The following VPS13A variants were observed in gnomAD, a reference collection of about 807,000 sequenced individuals.
VPS13A encodes vacuolar protein sorting 13 homolog A, also known as intermembrane lipid transfer protein VPS13A.
VPS13A carries 264 observed loss-of-function variants against 390.9 expected under a neutral mutation model. That is an observed-to-expected ratio of 0.68 (90% CI 0.61 to 0.75). The LOEUF is 0.75. Ranked by LOEUF, VPS13A falls within the 30% of genes least tolerant of loss-of-function variation. VPS13A has a pLI of 0.00. For synonymous variants in VPS13A, 1,231 were observed against 1,227.1 expected, an observed-to-expected ratio of 1.00 and a Z score of -0.07; for missense variants, 3,409 against 3,733.9, an observed-to-expected ratio of 0.91 and a Z score of 2.27.
intron 52 of VPS13A, among the ~76,000 whole-genome samples, chr9:77,349,847 T>A (rs1367991280): frequency 6.6e-6 from 1 of 152,120 alleles, no homozygotes; most frequent in African/African-American, 2.4e-5. Context: ...TTTCACCATG[T>A]TGGCCAGGCT....
chr9:77,405,621 G>T (rs1417286027), intron 69 of VPS13A, among the ~76,000 whole-genome samples: 1 of 152,162 alleles, frequency 6.6e-6, no homozygotes, highest in Non-Finnish European at 1.5e-5. Flanking sequence ...TTATTTGGAA[G>T]TGTTACTTTT....
At chr9:77,210,060 G>T (rs1825880423) in intron 6 of VPS13A, among the ~76,000 whole-genome samples, 1 of 151,720 alleles carries the variant, frequency 6.6e-6, no homozygotes, top group South Asian at 2.1e-4. Context: ...GAAAAATATA[G>T]GAATGAAAGT....
intron 31 of VPS13A, 64 bp from the exon 32 acceptor site, chr9:77,293,276 AT>A (rs1216881234): frequency 7.0e-7 from 1 of 1,424,644 alleles, no homozygotes; most frequent in African/African-American, 1.4e-5. Flanking sequence ...TTACTGTTTT[AT>A]TTTTGTACTG....
rs117478720 is a variant in VPS13A, at chr9:77,201,573, T to C, written c.187+166T>C. 8.4e-3 allele frequency among the ~76,000 whole-genome samples: 1,284 copies of C among 152,298 alleles called. 10 individuals are homozygous for C. The highest frequency in any genetic ancestry group is 0.014 in the South Asian group (68 of 4,826). ...TTTGTTGTGCAACTTAAAAATATTG[T>C]CCGATACATATATCCCTTGCCTAGT... On this transcript the variant is annotated intron_variant, in intron 3 of 71. Coordinates refer to ENST00000360280, the MANE Select transcript of VPS13A (RefSeq NM_033305.3).
chr9:77,319,547 TTAA>T lies in VPS13A; in HGVS notation c.5314-23_5314-21del, dbSNP rs778870959. 4 of 1,458,358 alleles carry T rather than the reference TTAA, an allele frequency of 2.7e-6. No homozygotes were observed. The African/African-American group carries it at 4.2e-5, about 15-fold the overall frequency. 90.3% of individuals were successfully genotyped at this position (1,458,358 alleles called of 1,614,324 possible). A position where few individuals can be genotyped will look rare whatever the true frequency, so the allele number is the denominator to read the frequency against. On this transcript the variant is annotated intron_variant, in intron 41 of 71. Coordinates refer to ENST00000360280, the MANE Select transcript of VPS13A (RefSeq NM_033305.3). ...TGGGAAACAGGATGGAAGATCATTT[TTAA>T]TTTAAAAAATTCTCTCTGTAGGTGC...
chr9:77,407,220 A>T (rs1834661046), intron 70 of VPS13A, among the ~76,000 whole-genome samples: 2 of 152,202 alleles, frequency 1.3e-5, no homozygotes, highest in South Asian at 4.1e-4. Flanking sequence ...TTGGAGACGA[A>T]AAACAGTGGC....
At chr9:77,242,025 T>C (rs554485260) in intron 19 of VPS13A, among the ~76,000 whole-genome samples, 1 of 152,276 alleles carries the variant, frequency 6.6e-6, no homozygotes, top group Admixed American at 6.5e-5. Context: ...GTTTCCTGTG[T>C]TCTGAGAGGC....
At chr9:77,357,316 CAAAAAAAAAAAAA>C (rs1156801817) in intron 55 of VPS13A, among the ~76,000 whole-genome samples, 4 of 44,608 alleles carry the variant, frequency 9.0e-5, no homozygotes, top group Admixed American at 3.0e-4. Flanking sequence ...GACTCTGTCT[CAAAAAAAAAAAAA>C]AAAAAAAAAA....
At chr9:77,306,714 T>G (rs2131405991) in intron 34 of VPS13A, among the ~76,000 whole-genome samples, 1 of 152,186 alleles carries the variant, frequency 6.6e-6, no homozygotes, top group East Asian at 1.9e-4. Context: ...CTGATTTACC[T>G]AGAGTCTAGA....
chr9:77,329,269 G>A (rs904720199), intron 45 of VPS13A, among the ~76,000 whole-genome samples: 1 of 152,164 alleles, frequency 6.6e-6, no homozygotes, highest in African/African-American at 2.4e-5. Context: ...ACTGGGTTAG[G>A]ACTTTTAATT....
chr9:77,419,635 A>C lies in VPS13A; in HGVS notation c.*3629A>C, dbSNP rs896389382. The stretch of plus-strand genomic sequence containing the variant: ...TCTGCTGTGTATCGGGCAACCTCAC[A>C]TGATTCAGTGGGACCAGAAAAAGCA... On this transcript the variant is annotated 3_prime_UTR_variant, in exon 72 of 72. Coordinates refer to ENST00000360280, the MANE Select transcript of VPS13A (RefSeq NM_033305.3). The C allele has an allele frequency of 6.6e-6, 1 of 152,216 alleles. No homozygotes were observed. The highest frequency in any genetic ancestry group is 6.5e-5 in the Admixed American group (1 of 15,280). 9.4% of individuals were successfully genotyped at this position (152,216 alleles called of 1,614,324 possible).
intron 1 of VPS13A, among the ~76,000 whole-genome samples, chr9:77,183,788 C>T (rs1824164717): frequency 6.6e-6 from 1 of 152,198 alleles, no homozygotes; most frequent in Admixed American, 6.5e-5. Context: ...CACAGATGTG[C>T]ATAGCAGCTT....
At chr9:77,395,030 TG>T (rs769968295) in intron 68 of VPS13A, among the ~76,000 whole-genome samples, 3 of 152,206 alleles carry the variant, frequency 2.0e-5, no homozygotes, top group Non-Finnish European at 4.4e-5. Flanking sequence ...TTATAATTCT[TG>T]TGTTCACTGG....
chr9:77,283,597 A>C lies in VPS13A; in HGVS notation c.3286A>C (p.Lys1096Gln). 6.2e-7 allele frequency: 1 copy of C among 1,613,488 alleles called. No individual in the cohort carries two copies. The highest frequency in any genetic ancestry group is 8.5e-7 in the Non-Finnish European group (1 of 1,179,654). Residue 1096 changes from lysine to glutamine, a missense_variant, in exon 31 of 72, where the codon AAG (lysine) becomes CAG (glutamine). Around this residue, in one of 5 missense-constraint regions of VPS13A, gnomAD observed 2,717 missense variants for 2,917.4 expected, o/e 0.93. Transcript: ENST00000360280. ...GCCTTCAGAAACTGAAATAAACGCAAAGCTAAGGAATATAATTGTTTTAGA... is the reference window on the plus strand; with the variant it reads ...GCCTTCAGAAACTGAAATAAACGCACAGCTAAGGAATATAATTGTTTTAGA... The part of the protein sequence containing the change: ...MRPSETEINA[K>Q]LRNIIVLDSD...
chr9:77,361,867 A>G (rs1563959447), intron 59 of VPS13A, among the ~76,000 whole-genome samples: 1 of 151,922 alleles, frequency 6.6e-6, no homozygotes, highest in African/African-American at 2.4e-5. Flanking sequence ...ATAGTTTGTC[A>G]TTGTGGTTTT....
intron 19 of VPS13A, among the ~76,000 whole-genome samples, chr9:77,239,415 T>A (rs1272847286): frequency 6.6e-6 from 1 of 151,972 alleles, no homozygotes; most frequent in African/African-American, 2.4e-5. Context: ...AAAAAATAAA[T>A]TTTAAGACTG....
At chr9:77,283,281 T>A in intron 29 of VPS13A, 74 bp from the exon 30 acceptor site, 2 of 864,738 alleles carry the variant, frequency 2.3e-6, no homozygotes, top group Non-Finnish European at 3.8e-6. Flanking sequence ...GATATTTCAG[T>A]TACTTTATAA....
chr9:77,351,257 T>C, intron 52 of VPS13A, 60 bp from the exon 53 acceptor site: 1 of 1,597,480 alleles, frequency 6.3e-7, no homozygotes, highest in East Asian at 2.3e-5. Context: ...ATTTTAGTTT[T>C]TTTTTAATCT....
At chr9:77,402,908 TTAAATAC>T (rs1834450910) in intron 68 of VPS13A, among the ~76,000 whole-genome samples, 2 of 152,226 alleles carry the variant, frequency 1.3e-5, no homozygotes, top group African/African-American at 4.8e-5. Flanking sequence ...ACAAATATTA[TTAAATAC>T]TAATGTGTTT....
Sources: allele counts gnomAD v4.1 joint callset (sites outside exome capture counted in the v4.1 genomes callset), GRCh38; gene constraint gnomAD v4.1.1; regional missense constraint gnomAD v4.1.1; transcripts MANE v1.5; gene names NCBI Gene and HGNC (gene_info 2026-07-23, HGNC 2026-07-21).